Variants in CNTN5 observed in about 807,000 individuals in gnomAD.
The protein encoded by CNTN5 is contactin-5.
Under a neutral mutation model 129.1 loss-of-function variants are expected in CNTN5, and 77 were observed. The ratio of observed to expected loss-of-function variants is 0.60; its 90% confidence interval spans 0.50 to 0.72. The LOEUF is 0.72. CNTN5 is among the 30% of genes least tolerant of loss of function. CNTN5 has a pLI of 0.00. For missense variants in CNTN5, 1,478 were observed against 1,328.8 expected (o/e 1.11, Z -1.75); for synonymous variants, 509 against 465.6 (o/e 1.09, Z -1.20).
At chr11:99,152,050 A>C (rs779694343) in intron 1 of CNTN5, among the ~76,000 whole-genome samples, 3 of 152,148 alleles carry the variant, frequency 2.0e-5, no homozygotes, top group Non-Finnish European at 2.9e-5. Context: ...AAGTAGTAGG[A>C]ATATTGATAT....
At chr11:100,106,161 T>C (rs1254862555) in intron 13 of CNTN5, among the ~76,000 whole-genome samples, 1 of 152,052 alleles carries the variant, frequency 6.6e-6, no homozygotes, top group South Asian at 2.1e-4. Flanking sequence ...ATCAAGCCAC[T>C]AAAAGGGAAG....
intron 2 of CNTN5, among the ~76,000 whole-genome samples, chr11:99,382,845 C>CCTTTTTTTTTTTTTTTT (rs1417732458): frequency 3.9e-5 from 3 of 77,032 alleles, no homozygotes; most frequent in South Asian, 1.1e-3. Context: ...CTCTAAATAA[C>CCTTTTTTTTTTTTTTTT]TTTTTTTTTT....
intron 1 of CNTN5, among the ~76,000 whole-genome samples, chr11:99,022,598 T>C (rs1414432960): frequency 6.6e-6 from 1 of 152,036 alleles, no homozygotes; most frequent in Non-Finnish European, 1.5e-5. Context: ...CGAAAAGAGG[T>C]ATGAGTAAGA....
At chr11:99,253,418 C>T (rs868612083) in intron 1 of CNTN5, among the ~76,000 whole-genome samples, 2 of 152,054 alleles carry the variant, frequency 1.3e-5, no homozygotes, top group African/African-American at 4.8e-5. Flanking sequence ...TTTACGTCAA[C>T]AACGTATAGC....
At chr11:100,019,834 G>A (rs981581005) in intron 9 of CNTN5, among the ~76,000 whole-genome samples, 5 of 151,744 alleles carry the variant, frequency 3.3e-5, no homozygotes, top group Non-Finnish European at 5.9e-5. Context: ...TTTTCTCCAC[G>A]TCCTCGCCAA....
At chr11:100,349,770 A>G (rs952522328) in intron 23 of CNTN5, among the ~76,000 whole-genome samples, 6 of 151,816 alleles carry the variant, frequency 4.0e-5, no homozygotes, top group Non-Finnish European at 8.8e-5. Context: ...CCACTACTTG[A>G]CTATTATACC....
intron 17 of CNTN5, among the ~76,000 whole-genome samples, chr11:100,256,248 A>G (rs567345537): frequency 2.2e-4 from 34 of 152,134 alleles, no homozygotes; most frequent in Non-Finnish European, 4.3e-4. Context: ...TTACATAACC[A>G]TAGTACAATT....
chr11:100,239,261 A>G (rs1181391110), intron 16 of CNTN5, among the ~76,000 whole-genome samples: 1 of 152,212 alleles, frequency 6.6e-6, no homozygotes, highest in Non-Finnish European at 1.5e-5. Context: ...AGTTAAACAA[A>G]ATCACCAAGA....
intron 3 of CNTN5, among the ~76,000 whole-genome samples, chr11:99,735,230 A>G (rs916565462): frequency 6.9e-6 from 1 of 144,594 alleles, no homozygotes; most frequent in Non-Finnish European, 1.5e-5. Context: ...GAAAATCCCA[A>G]TGAAGGATTT....
intron 1 of CNTN5, among the ~76,000 whole-genome samples, chr11:99,059,116 C>CT (rs1400968144): frequency 8.5e-6 from 1 of 117,732 alleles, no homozygotes; most frequent in Admixed American, 1.1e-4. Context: ...TTGTCTTTTT[C>CT]TTTTTTTCAG....
intron 1 of CNTN5, among the ~76,000 whole-genome samples, chr11:99,132,266 A>G (rs1411516018): frequency 6.6e-6 from 1 of 152,118 alleles, no homozygotes; most frequent in Non-Finnish European, 1.5e-5. Context: ...TCAAAACAAG[A>G]GCCATTTATG....
At chr11:99,999,541 AC>A (rs1228820295) in intron 8 of CNTN5, among the ~76,000 whole-genome samples, 1 of 152,196 alleles carries the variant, frequency 6.6e-6, no homozygotes, top group Non-Finnish European at 1.5e-5. Flanking sequence ...AAACAGGAAC[AC>A]TTTTACACTC....
chr11:99,567,556 C>T (rs868433421), intron 3 of CNTN5, among the ~76,000 whole-genome samples: 1 of 152,058 alleles, frequency 6.6e-6, no homozygotes. Context: ...AACTTTGTCA[C>T]TGCCAGTTAG....
chr11:99,396,346 T>C (rs916938938), intron 2 of CNTN5, among the ~76,000 whole-genome samples: 1 of 151,642 alleles, frequency 6.6e-6, no homozygotes, highest in Non-Finnish European at 1.5e-5. Flanking sequence ...AAGTAACTTT[T>C]GTTTCTAAAT....
intron 1 of CNTN5, among the ~76,000 whole-genome samples, chr11:99,313,881 A>C (rs183483202): frequency 6.6e-6 from 1 of 151,996 alleles, no homozygotes; most frequent in South Asian, 2.1e-4. Flanking sequence ...CGTATCGTAG[A>C]CTTTCTTGAC....
chr11:99,498,332 C>A (rs952970269), intron 2 of CNTN5, among the ~76,000 whole-genome samples: 2 of 152,072 alleles, frequency 1.3e-5, no homozygotes, highest in Non-Finnish European at 2.9e-5. Flanking sequence ...TTTCGACCTC[C>A]CATCTCTGGT....
chr11:100,209,369 T>G (rs997387495), intron 15 of CNTN5, among the ~76,000 whole-genome samples: 9 of 152,220 alleles, frequency 5.9e-5, no homozygotes, highest in African/African-American at 2.2e-4. Context: ...CTTACCAAAT[T>G]AACCAGCCAC....
chr11:99,865,193 T>C (rs1269844121), intron 6 of CNTN5, among the ~76,000 whole-genome samples: 3 of 152,168 alleles, frequency 2.0e-5, no homozygotes, highest in African/African-American at 7.2e-5. Flanking sequence ...TGTGCTTCAA[T>C]AGCATCATAC....
chr11:99,930,188 C>A (rs567577489), intron 7 of CNTN5, among the ~76,000 whole-genome samples: 3 of 152,236 alleles, frequency 2.0e-5, no homozygotes, highest in African/African-American at 7.2e-5. Context: ...CCTTGCCAAT[C>A]TAGCTCCCCC....
Sources: gnomAD v4.1 joint callset for allele counts (sites outside exome capture counted in the v4.1 genomes callset) on GRCh38, gnomAD v4.1.1 for gene constraint, MANE v1.5 for transcripts, NCBI Gene and HGNC (gene_info 2026-07-23, HGNC 2026-07-21) for gene names.